NEO1: variants seen among roughly 807,000 people sequenced by gnomAD.
NEO1 encodes neogenin 1.
NEO1 carries 63 observed loss-of-function variants against 159.7 expected under a neutral mutation model. The observed-to-expected ratio is 0.39, with a 90% CI of 0.32 to 0.49. The LOEUF is 0.49. Ranked by LOEUF, NEO1 falls within the 20% of genes least tolerant of loss-of-function variation. NEO1 has a pLI of 0.85. For synonymous variants in NEO1, 633 were observed against 662.0 expected (o/e 0.96, Z 0.67); for missense variants, 1,615 against 1,831.0 (o/e 0.88, Z 2.15).
intron 15 of NEO1, among the ~76,000 whole-genome samples, chr15:73,265,772 T>C (rs1350676365): frequency 1.3e-5 from 2 of 152,158 alleles, no homozygotes; most frequent in African/African-American, 4.8e-5. Context: ...GCAGCTGTTT[T>C]AAGCTTTTGA....
At chr15:73,114,130 G>T in intron 1 of NEO1, among the ~76,000 whole-genome samples, 1 of 152,168 alleles carries the variant, frequency 6.6e-6, no homozygotes, top group Non-Finnish European at 1.5e-5. Context: ...ACCTGGGACA[G>T]ACAGCATTTC....
chr15:73,281,732 A>G (rs2151089990), intron 22 of NEO1, among the ~76,000 whole-genome samples: 1 of 152,288 alleles, frequency 6.6e-6, no homozygotes, highest in African/African-American at 2.4e-5. Context: ...AAATTAAGAG[A>G]GAGAGTAGCT....
chr15:73,176,251 A>G, intron 5 of NEO1, 152 bp from the exon 6 acceptor site: 1 of 394,334 alleles, frequency 2.5e-6, no homozygotes, highest in Non-Finnish European at 4.4e-6. Context: ...ATTTTTTATT[A>G]TATATTTATT....
chr15:73,094,557 TTTG>T (rs1478252607), intron 1 of NEO1, among the ~76,000 whole-genome samples: 1 of 152,186 alleles, frequency 6.6e-6, no homozygotes, highest in Non-Finnish European at 1.5e-5. Context: ...TTCTAAAGAT[TTTG>T]TTGTTGTTTG....
intron 7 of NEO1, among the ~76,000 whole-genome samples, chr15:73,194,939 A>G (rs182016310): frequency 9.9e-4 from 151 of 152,354 alleles, no homozygotes; most frequent in African/African-American, 3.4e-3. Flanking sequence ...GAGTTATGCT[A>G]TAATGAATGC....
chr15:73,122,951 C>G (rs2071756462), intron 3 of NEO1, 151 bp downstream of exon 3: 2 of 927,848 alleles, frequency 2.2e-6, no homozygotes, highest in Admixed American at 5.0e-5. Context: ...GGGTGGATCA[C>G]CTGAGTTCCA....
At chr15:73,119,885 C>A (rs886677564) in intron 2 of NEO1, among the ~76,000 whole-genome samples, 1 of 152,098 alleles carries the variant, frequency 6.6e-6, no homozygotes, top group Non-Finnish European at 1.5e-5. Flanking sequence ...GCCTATAATC[C>A]CAGCACTATA....
At chr15:73,182,339 C>G (rs943139330) in intron 7 of NEO1, among the ~76,000 whole-genome samples, 2 of 152,116 alleles carry the variant, frequency 1.3e-5, no homozygotes, top group African/African-American at 4.8e-5. Context: ...GAGGGCAGAT[C>G]AAAGTGGAAG....
intron 7 of NEO1, among the ~76,000 whole-genome samples, chr15:73,180,915 C>A (rs1176867131): frequency 6.6e-6 from 1 of 152,072 alleles, no homozygotes; most frequent in African/African-American, 2.4e-5. Flanking sequence ...TACAGGAAAG[C>A]TAAAAGAAGG....
Position 73,173,568 on chromosome 15 carries a change from A to G in NEO1, c.1016-2835A>G, listed in dbSNP as rs1046245948. 2.0e-5 allele frequency among the ~76,000 whole-genome samples: 3 copies of G among 152,224 alleles called. No homozygotes were observed. In the East Asian group the frequency reaches 5.8e-4, roughly 29 times the overall value. On this transcript the variant is annotated intron_variant, in intron 5 of 28. Transcript: ENST00000261908. ...GAAGAAAATACAAGTGAATGTTGTTATAGTACAGAAGAAGGGAAAGCCTTT... is the reference window on the plus strand; with the variant it reads ...GAAGAAAATACAAGTGAATGTTGTTGTAGTACAGAAGAAGGGAAAGCCTTT...
At chr15:73,221,700 G>A (rs570126810) in intron 7 of NEO1, 48 of 153,880 alleles carry the variant, frequency 3.1e-4, no homozygotes, top group African/African-American at 7.5e-4. Context: ...GCTAGCAAAC[G>A]GCGAGACTCT....
chr15:73,236,270 T>C, intron 7 of NEO1, 77 bp from the exon 8 acceptor site: 4 of 1,606,334 alleles, frequency 2.5e-6, no homozygotes, highest in East Asian at 2.2e-5. Flanking sequence ...TATTCCCCAA[T>C]GTTTGCACAT....
intron 5 of NEO1, among the ~76,000 whole-genome samples, chr15:73,169,986 T>C (rs1477684389): frequency 6.6e-6 from 1 of 152,050 alleles, no homozygotes; most frequent in African/African-American, 2.4e-5. Flanking sequence ...TAGGTTTGTT[T>C]GAATGTACCT....
intron 7 of NEO1, 81 bp from the exon 8 acceptor site, chr15:73,236,266 C>G (rs1383458534): frequency 3.1e-6 from 5 of 1,602,466 alleles, no homozygotes; most frequent in Non-Finnish European, 4.3e-6. Context: ...TTCATATTCC[C>G]CAATGTTTGC....
chr15:73,068,227 C>T (rs575998197), intron 1 of NEO1, among the ~76,000 whole-genome samples: 1 of 109,816 alleles, frequency 9.1e-6, no homozygotes, highest in South Asian at 3.6e-4. Context: ...CCCCCTACCC[C>T]CCCCCCTTTT....
chr15:73,187,100 T>G (rs2035975413), intron 7 of NEO1, among the ~76,000 whole-genome samples: 1 of 152,220 alleles, frequency 6.6e-6, no homozygotes, highest in South Asian at 2.1e-4. Context: ...ACAACAATAC[T>G]GTGTGTCGAA....
chr15:73,167,707 G>A (rs2034672202), intron 5 of NEO1, among the ~76,000 whole-genome samples: 1 of 152,126 alleles, frequency 6.6e-6, no homozygotes, highest in South Asian at 2.1e-4. Context: ...GTTTAACTTT[G>A]TTAAAGAAGT....
chr15:73,180,179 G>T (rs1045795588), intron 7 of NEO1, among the ~76,000 whole-genome samples: 2 of 152,116 alleles, frequency 1.3e-5, no homozygotes, highest in African/African-American at 4.8e-5. Context: ...ATCAGGTATT[G>T]GTGTGCCTCC....
At chr15:73,209,246 C>T (rs1322831819) in intron 7 of NEO1, among the ~76,000 whole-genome samples, 2 of 152,206 alleles carry the variant, frequency 1.3e-5, no homozygotes, top group Non-Finnish European at 2.9e-5. Flanking sequence ...TTGGGAACAA[C>T]CTGTGTACAG....
Sources: gnomAD v4.1 joint callset for allele counts (sites outside exome capture counted in the v4.1 genomes callset) on GRCh38, gnomAD v4.1.1 for gene constraint, MANE v1.5 for transcripts, NCBI Gene and HGNC (gene_info 2026-07-23, HGNC 2026-07-21) for gene names.